The following SSPN variants were observed in gnomAD, a reference collection of about 807,000 sequenced individuals.
SSPN encodes the protein sarcospan, also known as K-ras oncogene-associated protein.
Under a neutral mutation model 19.1 loss-of-function variants are expected in SSPN, and 15 were observed. The observed-to-expected ratio is 0.78, with a 90% CI of 0.52 to 1.21. SSPN has a LOEUF of 1.21. Ranked by LOEUF, SSPN falls within the 50% of genes most tolerant of loss-of-function variation. SSPN has a pLI of 0.00. For synonymous variants in SSPN, 147 were observed against 140.3 expected, an observed-to-expected ratio of 1.05 and a Z score of -0.34; for missense variants, 291 against 314.0, an observed-to-expected ratio of 0.93 and a Z score of 0.55.
chr12:26,122,236 C>T (rs1944313609), intron 1 of SSPN: 1 of 1,284,590 alleles, frequency 7.8e-7, no homozygotes, highest in African/African-American at 1.6e-5. Context: ...GCGGCGGCGC[C>T]CGCCTTCTCG....
At chr12:26,230,109 C>T (rs117511609) in intron 2 of SSPN, among the ~76,000 whole-genome samples, 1 of 151,282 alleles carries the variant, frequency 6.6e-6, no homozygotes, top group Non-Finnish European at 1.5e-5. Flanking sequence ...ATGAAGCTGA[C>T]GTTGAGTCAC....
intron 1 of SSPN, among the ~76,000 whole-genome samples, chr12:26,149,173 A>G (rs541549953): frequency 2.5e-4 from 38 of 152,342 alleles, no homozygotes; most frequent in African/African-American, 8.7e-4. Context: ...CCAACTCAAC[A>G]TCACTATGGC....
At chr12:26,189,886 C>A (rs1037579894) in intron 1 of SSPN, among the ~76,000 whole-genome samples, 3 of 152,118 alleles carry the variant, frequency 2.0e-5, no homozygotes, top group Non-Finnish European at 4.4e-5. Context: ...ACTTTTGGAA[C>A]TTTTATATGG....
intron 1 of SSPN, among the ~76,000 whole-genome samples, chr12:26,172,308 T>C (rs1591860652): frequency 6.6e-6 from 1 of 152,354 alleles, no homozygotes; most frequent in East Asian, 1.9e-4. Context: ...GAAGGACTTT[T>C]TGTGGAAAAG....
At chr12:26,171,199 C>T (rs1342866330) in intron 1 of SSPN, among the ~76,000 whole-genome samples, 1 of 152,146 alleles carries the variant, frequency 6.6e-6, no homozygotes, top group Non-Finnish European at 1.5e-5. Context: ...AAATCAGAAG[C>T]AGAGGTGGGT....
At chr12:26,142,368 G>T (rs78535017) in intron 1 of SSPN, among the ~76,000 whole-genome samples, 5,930 of 152,300 alleles carry the variant, frequency 0.039, 149 homozygotes, top group South Asian at 0.069. Context: ...TGAAAATGGA[G>T]AATGATAGGG....
chr12:26,174,511 T>TCCTTCCTTCCTTCCTTC (rs1555177719), intron 1 of SSPN, among the ~76,000 whole-genome samples: 155 of 145,884 alleles, frequency 1.1e-3, no homozygotes, highest in East Asian at 2.2e-3. Context: ...TTCCCTTCCT[T>TCCTTCCTTCCTTCCTTC]CCTTCCTTCC....
chr12:26,186,806 G>A (rs1388303495), intron 1 of SSPN, among the ~76,000 whole-genome samples: 1 of 152,224 alleles, frequency 6.6e-6, no homozygotes, highest in Non-Finnish European at 1.5e-5. Flanking sequence ...GCCTCTAAGT[G>A]TGTGTCAGCT....
intron 1 of SSPN, among the ~76,000 whole-genome samples, chr12:26,164,413 T>C (rs1356677793): frequency 1.3e-5 from 2 of 152,146 alleles, no homozygotes; most frequent in African/African-American, 4.8e-5. Context: ...TCTAAACCTA[T>C]GACATAATCC....
At chr12:26,202,952 A>G (rs1001012714) in intron 1 of SSPN, among the ~76,000 whole-genome samples, 50 of 152,246 alleles carry the variant, frequency 3.3e-4, no homozygotes, top group African/African-American at 1.2e-3. Flanking sequence ...AGGCCTCAGG[A>G]AACTTACAAT....
At chr12:26,225,284 T>G (rs900407348) in intron 2 of SSPN, among the ~76,000 whole-genome samples, 3 of 152,082 alleles carry the variant, frequency 2.0e-5, no homozygotes, top group Non-Finnish European at 4.4e-5. Flanking sequence ...TGTTGGAAGA[T>G]TCCAGTATAA....
At chr12:26,215,165 G>A (rs1377120347) in intron 1 of SSPN, among the ~76,000 whole-genome samples, 1 of 152,186 alleles carries the variant, frequency 6.6e-6, no homozygotes, top group Non-Finnish European at 1.5e-5. Context: ...TAAAGGTTGA[G>A]CTAAATTCTG....
rs147037329 is a variant in SSPN, at chr12:26,189,292, G to A, written c.-30-35001G>A. On this transcript the variant is annotated intron_variant, in intron 1 of 2. Transcript: ENST00000538142. ...TCAAGATATAGCAGTAAAATACGCT[G>A]TGGGATAGGATATGGAAGTAGAATG... 6.6e-5 allele frequency among the ~76,000 whole-genome samples: 10 copies of A among 152,302 alleles called. No homozygotes were observed. In the East Asian group the frequency reaches 1.9e-3, roughly 29 times the overall value.
In SSPN at chr12:26,128,541, A is replaced by G. The variant is rs568112343; in HGVS notation, c.-31+6389A>G. 2.6e-5 allele frequency among the ~76,000 whole-genome samples: 4 copies of G among 152,350 alleles called. No homozygotes were observed. The South Asian group carries it at 8.3e-4, about 32-fold the overall frequency. On this transcript the variant is annotated intron_variant, in intron 1 of 2. Transcript: ENST00000538142. ...AGCCAAGCTCTAATGTGAAGACTTC[A>G]GGTTAGTAATAGGAAAAGTTCACCT...
chr12:26,173,554 C>A (rs1201183237), intron 1 of SSPN, among the ~76,000 whole-genome samples: 1 of 152,128 alleles, frequency 6.6e-6, no homozygotes, highest in Non-Finnish European at 1.5e-5. Context: ...TCTTTGCTTT[C>A]TCCTTACTCT....
chr12:26,199,160 A>C (rs886965362), intron 1 of SSPN, among the ~76,000 whole-genome samples: 1 of 152,214 alleles, frequency 6.6e-6, no homozygotes, highest in Non-Finnish European at 1.5e-5. Flanking sequence ...AAATCCACTT[A>C]GGTGACTTCT....
At chr12:26,202,574 A>C (rs897645522) in intron 1 of SSPN, among the ~76,000 whole-genome samples, 1 of 152,222 alleles carries the variant, frequency 6.6e-6, no homozygotes, top group Admixed American at 6.5e-5. Flanking sequence ...CGAAGAAAAC[A>C]ATGGCATAGG....
intron 1 of SSPN, among the ~76,000 whole-genome samples, chr12:26,129,849 T>A (rs759439687): frequency 1.3e-5 from 2 of 152,252 alleles, no homozygotes; most frequent in Non-Finnish European, 2.9e-5. Context: ...AAATCATTTG[T>A]ATTTTCATAT....
intron 2 of SSPN, among the ~76,000 whole-genome samples, chr12:26,228,518 G>A (rs1275106343): frequency 6.6e-6 from 1 of 152,106 alleles, no homozygotes; most frequent in Non-Finnish European, 1.5e-5. Context: ...ATTCTACTAA[G>A]CAGATGACTA....
Sources: gnomAD v4.1 joint callset for allele counts (sites outside exome capture counted in the v4.1 genomes callset) on GRCh38, gnomAD v4.1.1 for gene constraint, MANE v1.5 for transcripts, NCBI Gene and HGNC (gene_info 2026-07-23, HGNC 2026-07-21) for gene names.